The following FAAP100 variants were observed in gnomAD, a reference collection of about 807,000 sequenced individuals.
FAAP100 encodes Fanconi anemia core complex-associated protein 100.
A neutral mutation model predicts 65.8 loss-of-function variants in FAAP100; 46 were observed. That is an observed-to-expected ratio of 0.70 (90% confidence interval 0.55 to 0.89). FAAP100 has a LOEUF of 0.89. Ranked by LOEUF, FAAP100 falls within the 40% of genes least tolerant of loss-of-function variation. FAAP100 has a pLI of 0.00. For missense variants in FAAP100, 1,165 were observed against 1,196.7 expected (o/e 0.97, Z 0.39); for synonymous variants, 663 against 555.1 (o/e 1.19, Z -2.73).
At position 81,544,006 on chromosome 17, in the gene FAAP100, G is replaced by C. The variant is rs1469221353; in HGVS notation, c.2425C>G (p.Gln809Glu). 7 of 1,611,014 alleles carry C rather than the reference G, an allele frequency of 4.3e-6. No homozygotes were observed. The highest frequency in any genetic ancestry group is 5.1e-6 in the Non-Finnish European group (6 of 1,178,880). The change falls in exon 7 of 9, where the codon CAG becomes GAG. Residue 809 changes from glutamine to glutamate, a missense_variant and splice_region_variant. By Grantham distance (29) the Gln-to-Glu change is conservative. Transcript: ENST00000327787. ...RAHHAVVGRMQTMVTEQATQG... is the reference protein window; with the variant it reads ...RAHHAVVGRMETMVTEQATQG... ...CCTTCCCCAGCGGGCCGACATACCT[G>C]CATGCGCCCGACAACGGCATGGTGC... is the stretch of plus-strand genomic sequence containing the variant.
Position 81,540,334 on chromosome 17 carries a change from C to T in FAAP100, c.*485G>A. On this transcript the variant is annotated 3_prime_UTR_variant, in exon 9 of 9. Transcript: ENST00000327787. ...AGGTGTGAACAGTGTGACAAGGGTA[C>T]CGTGGGGCACCTGGTAGTGCCACCC... 2.5e-6 allele frequency: 1 copy of T among 400,860 alleles called. No individual in the cohort carries two copies. 24.8% of individuals were successfully genotyped at this position (400,860 alleles called of 1,614,324 possible).
At position 81,552,010 on chromosome 17, in the gene FAAP100, GC is replaced by G; in HGVS notation, c.207del (p.Leu70TrpfsTer46). On this transcript the variant is annotated frameshift_variant, in exon 2 of 9. Coordinates refer to ENST00000327787, the MANE Select transcript of FAAP100 (RefSeq NM_025161.6). LOFTEE classifies it high-confidence loss of function. ...RFPDQVWHLE[L>X]LAPRRLLYAL... ...GCGTACAGCAACCTGCGCGGCGCCAGCAGCTCCAGGTGCCACACCTGGTCGG... is the reference window on the plus strand; with the variant it reads ...GCGTACAGCAACCTGCGCGGCGCCAGAGCTCCAGGTGCCACACCTGGTCGG... The G allele has an allele frequency of 6.4e-7, 1 of 1,564,582 alleles. No individual in the cohort carries two copies. Among genetic ancestry groups the G allele is most frequent in the Non-Finnish European group, 8.6e-7 (1 of 1,165,040 alleles).
intron 4 of FAAP100, chr17:81,547,946 G>C: frequency 1.4e-6 from 1 of 704,140 alleles, no homozygotes; most frequent in Non-Finnish European, 2.6e-6. Flanking sequence ...GATGAAGCTG[G>C]TGCTCCGGGG....
chr17:81,544,993 AC>A (rs1435303557), intron 6 of FAAP100, among the ~76,000 whole-genome samples: 71 of 152,218 alleles, frequency 4.7e-4, no homozygotes, highest in African/African-American at 1.6e-3. Flanking sequence ...ACATGGTGAA[AC>A]CCCCGTCTCT....
chr17:81,543,464 GCTT>G (rs1391337437), intron 7 of FAAP100, among the ~76,000 whole-genome samples: 1 of 152,194 alleles, frequency 6.6e-6, no homozygotes, highest in Admixed American at 6.5e-5. Context: ...AACTTGGAGA[GCTT>G]CTTCTCAGAT....
At chr17:81,551,280 G>A in intron 2 of FAAP100, 77 bp from the exon 3 acceptor site, 3 of 1,391,828 alleles carry the variant, frequency 2.2e-6, no homozygotes, top group East Asian at 2.5e-5. Context: ...ACCTGGCATG[G>A]AGTAGTCTGG....
chr17:81,545,709 C>G (rs374549408), intron 6 of FAAP100, 37 bp downstream of exon 6: 47 of 1,588,290 alleles, frequency 3.0e-5, no homozygotes, highest in Middle Eastern at 3.4e-4. Flanking sequence ...CCAAGAACTG[C>G]TGGTGCCGTG....
intron 8 of FAAP100, 121 bp downstream of exon 8, chr17:81,541,188 T>C (rs925715402): frequency 1.8e-5 from 22 of 1,226,804 alleles, no homozygotes; most frequent in Non-Finnish European, 2.5e-5. Flanking sequence ...CCCAGGCCCA[T>C]GGGAGCGAAG....
chr17:81,549,312 T>C lies in FAAP100; in HGVS notation c.1297A>G (p.Ser433Gly). 6.2e-7 allele frequency: 1 copy of C among 1,612,824 alleles called. No individual in the cohort carries two copies. The highest frequency in any genetic ancestry group is 8.5e-7 in the Non-Finnish European group (1 of 1,179,772). ...LSAKGRLMTC[S>G]LDLDSEMPGP... ...GGCATCTCAGAGTCCAGGTCCAGGC[T>C]GCAGGTCATCAGGCGGCCTTTGGCG... The change falls in exon 4 of 9, where the codon AGC (serine) becomes GGC (glycine). Residue 433 changes from serine to glycine, a missense_variant. By Grantham distance (56) the Ser-to-Gly change is moderately conservative (BLOSUM62 0). Coordinates refer to ENST00000327787, the MANE Select transcript of FAAP100 (RefSeq NM_025161.6).
rs2033064538 is a variant in FAAP100 at position 81,540,837 on chromosome 17, G to T, written c.2628C>A (p.Pro876=). ...LLQVYRQLRH[P]SLILL ...CGCCTGGTCACAGCAGGATGAGGCT[G>T]GGGTGGCGCAGCTGCCGGTACACCT... Residue 876 remains proline, a synonymous_variant, in exon 9 of 9, where the codon CCC becomes CCA. Transcript: ENST00000327787. 2 of 1,538,204 alleles carry T rather than the reference G, an allele frequency of 1.3e-6. No homozygotes were observed. The highest frequency in any genetic ancestry group is 1.7e-6 in the Non-Finnish European group (2 of 1,144,530).
At chr17:81,544,514 C>G (rs926895138) in intron 6 of FAAP100, among the ~76,000 whole-genome samples, 2 of 152,194 alleles carry the variant, frequency 1.3e-5, no homozygotes, top group Non-Finnish European at 2.9e-5. Flanking sequence ...TCCGTCCCCC[C>G]ACACCAGGCA....
Position 81,547,031 on chromosome 17 carries a change from C to T in FAAP100, c.2051G>A (p.Arg684Gln), listed in dbSNP as rs374294233. 5.2e-5 allele frequency: 80 copies of T among 1,552,676 alleles called. No homozygotes were observed. The highest frequency in any genetic ancestry group is 6.6e-5 in the Non-Finnish European group (76 of 1,149,678). ...DPVATFLETC[R>Q]EPGSQPAGPA... ...TCCTGCTGGCTGGCTGCCAGGCTCC[C>T]GACAAGTTTCCAGAAAAGTGGCCAC... Residue 684 changes from arginine (R) to glutamine (Q), a missense_variant, in exon 5 of 9, where the codon CGG (arginine) becomes CAG (glutamine). Coordinates refer to ENST00000327787, the MANE Select transcript of FAAP100 (RefSeq NM_025161.6).
chr17:81,544,271 G>A, intron 6 of FAAP100, 151 bp from the exon 7 acceptor site: 2 of 621,812 alleles, frequency 3.2e-6, no homozygotes, highest in South Asian at 3.9e-5. Flanking sequence ...CCCTGAAGGA[G>A]CAGAGCTCAG....
Position 81,541,356 on chromosome 17 carries a change from G to C in FAAP100, c.2467C>G (p.Pro823Ala). 6.2e-7 allele frequency: 1 copy of C among 1,611,866 alleles called. No individual in the cohort carries two copies. The highest frequency in any genetic ancestry group is 1.1e-5 in the South Asian group (1 of 90,864). ...CGGAGGTACTGCACACGGAGATCAG[G>C]AGCGCTGGAGCCCTGGGTGGCCTGC... ...TEQATQGSSA[P>A]DLRVQYLRQI... Residue 823 changes from proline (P) to alanine (A), a missense_variant, in exon 8 of 9, where the codon CCT (proline) becomes GCT (alanine). Pro to Ala is a conservative substitution (Grantham distance 27). Transcript: ENST00000327787.
chr17:81,550,923 G>A lies in FAAP100; in HGVS notation c.571C>T (p.Pro191Ser), dbSNP rs985334239. Residue 191 changes from proline to serine, a missense_variant, in exon 3 of 9, where the codon CCC (proline) becomes TCC (serine). Transcript: ENST00000327787. ...PAGVPGKPAAPHFLPVLCSVS... is the reference protein window; with the variant it reads ...PAGVPGKPAASHFLPVLCSVS... ...GAGCACAGCACTGGAAGGAAGTGGG[G>A]GGCTGCAGGCTTTCCTGGGACCCCG... The A allele has an allele frequency of 7.4e-6, 12 of 1,612,302 alleles. No individual in the cohort carries two copies. Among genetic ancestry groups the A allele is most frequent in the Non-Finnish European group, 9.3e-6 (11 of 1,179,794 alleles).
Position 81,550,097 on chromosome 17 carries a change from G to A in FAAP100, c.1246+151C>T. On this transcript the variant is annotated intron_variant, in intron 3 of 8. Transcript: ENST00000327787. ...CCACCAGCCCCTGGCTTGACCTTGA[G>A]ACAAGAGAGTTAACCACTAGGCTGT... is the stretch of plus-strand genomic sequence containing the variant. 6.4e-6 allele frequency: 5 copies of A among 779,272 alleles called. 1 individual carries two copies. Among genetic ancestry groups the A allele is most frequent in the South Asian group, 3.7e-5 (2 of 54,560 alleles). The allele number at this position is 779,272 out of a possible 1,614,324, so 48.3% of individuals were successfully genotyped here.
chr17:81,547,009 T>TGCTG lies in FAAP100; in HGVS notation c.2069_2072dup (p.Gly692SerfsTer49). 6.5e-7 allele frequency: 1 copy of TGCTG among 1,533,872 alleles called. No individual in the cohort carries two copies. ...ACTCGGCCCGCAGGGAGGCGGGTCC[T>TGCTG]GCTGGCTGGCTGCCAGGCTCCCGAC... On this transcript the variant is annotated frameshift_variant, in exon 5 of 9. Transcript: ENST00000327787. LOFTEE classifies it high-confidence loss of function.
intron 4 of FAAP100, 128 bp from the exon 5 acceptor site, chr17:81,547,806 G>T: frequency 1.7e-6 from 2 of 1,181,144 alleles, no homozygotes; most frequent in Non-Finnish European, 2.5e-6. Flanking sequence ...GTGGAGCCAC[G>T]CCAGAGAGTG....
intron 7 of FAAP100, 37 bp from the exon 8 acceptor site, chr17:81,541,432 C>G: frequency 1.3e-6 from 2 of 1,539,952 alleles, no homozygotes; most frequent in Non-Finnish European, 8.9e-7. Flanking sequence ...GAGGGTGTGC[C>G]CCAGCACCTG....
Sources: allele counts gnomAD v4.1 joint callset (sites outside exome capture counted in the v4.1 genomes callset), GRCh38; gene constraint gnomAD v4.1.1; transcripts MANE v1.5; gene names NCBI Gene and HGNC (gene_info 2026-07-23, HGNC 2026-07-21).